The following PSMA5 variants were observed in gnomAD, a reference collection of about 807,000 sequenced individuals.
PSMA5 encodes proteasome 20S subunit alpha 5.
In PSMA5, 3 loss-of-function variants were observed where a neutral mutation model predicts 34.5. That is an observed-to-expected ratio of 0.09 (90% CI 0.04 to 0.22). The LOEUF (loss-of-function observed/expected upper bound fraction) is 0.22. Ranked by LOEUF, PSMA5 falls within the 10% of genes least tolerant of loss-of-function variation. The pLI is 1.00. For synonymous variants in PSMA5, 88 were observed against 95.8 expected, an observed-to-expected ratio of 0.92 and a Z score of 0.47; for missense variants, 120 against 286.1, an observed-to-expected ratio of 0.42 and a Z score of 4.19.
In PSMA5 at chr1:109,401,880, C is replaced by G. The variant is rs943179380; in HGVS notation, c.*133G>C. 1 of 613,612 alleles carries G rather than the reference C, an allele frequency of 1.6e-6. No individual in the cohort carries two copies. The highest frequency in any genetic ancestry group is 2.8e-6 in the Non-Finnish European group (1 of 358,448). 38.0% of individuals were successfully genotyped at this position (613,612 alleles called of 1,614,324 possible). On this transcript the variant is annotated 3_prime_UTR_variant, in exon 9 of 9. Transcript: ENST00000271308. ...TAAAATTTTCTTTATTTCAGAACTG[C>G]CTTTATGTACAGACATCATTTAAAA... is the stretch of plus-strand genomic sequence containing the variant.
rs1653516884 is a variant in PSMA5, at chr1:109,401,443, G to C, written c.*570C>G. On this transcript the variant is annotated 3_prime_UTR_variant, in exon 9 of 9. Transcript: ENST00000271308. The stretch of plus-strand genomic sequence containing the variant: ...AGAAAAGCAGCAAAAATACACGTTT[G>C]CTCCAGAAATTATAGGGCCGAAATG... 1 of 152,102 alleles carries C rather than the reference G, an allele frequency of 6.6e-6. No individual in the cohort carries two copies. Among genetic ancestry groups the C allele is most frequent in the African/African-American group, 2.4e-5 (1 of 41,414 alleles). The allele number at this position is 152,102 out of a possible 1,614,324, so 9.4% of individuals were successfully genotyped here. A position where few individuals can be genotyped will look rare whatever the true frequency, so the allele number is the denominator to read the frequency against.
chr1:109,410,972 G>T, intron 7 of PSMA5, 39 bp downstream of exon 7: 2 of 1,424,996 alleles, frequency 1.4e-6, no homozygotes, highest in Non-Finnish European at 2.0e-6. Context: ...ATTATACCAT[G>T]ATAAAAAAAT....
In PSMA5 at chr1:109,399,626, T is replaced by A. The variant is rs1418459898; in HGVS notation, c.*2387A>T. 1 of 152,350 alleles carries A rather than the reference T, an allele frequency of 6.6e-6. No homozygotes were observed. Among genetic ancestry groups the A allele is most frequent in the Non-Finnish European group, 1.5e-5 (1 of 68,024 alleles). The allele number at this position is 152,350 out of a possible 1,614,324, so 9.4% of individuals were successfully genotyped here. Reference sequence around the variant, plus strand: ...TGTTCCAATTATCTGTACCTTCACTTTTTAGTATGTTGCTTTTAGTTATCA... The same window carrying A: ...TGTTCCAATTATCTGTACCTTCACTATTTAGTATGTTGCTTTTAGTTATCA... On this transcript the variant is annotated 3_prime_UTR_variant, in exon 9 of 9. Transcript: ENST00000271308.
At chr1:109,406,386 A>C (rs4120621) in intron 8 of PSMA5, among the ~76,000 whole-genome samples, 1 of 152,036 alleles carries the variant, frequency 6.6e-6, no homozygotes, top group Non-Finnish European at 1.5e-5. Flanking sequence ...GATGCAACAC[A>C]GGTGAATCTC....
At chr1:109,402,813 C>T (rs1027543577) in intron 8 of PSMA5, among the ~76,000 whole-genome samples, 5 of 152,168 alleles carry the variant, frequency 3.3e-5, no homozygotes, top group Non-Finnish European at 4.4e-5. Context: ...TCAAGCGATT[C>T]TCCTGCCTCA....
chr1:109,413,869 G>GT (rs1328998735), intron 3 of PSMA5, among the ~76,000 whole-genome samples: 2 of 151,990 alleles, frequency 1.3e-5, no homozygotes, highest in Non-Finnish European at 2.9e-5. Context: ...TACTGTGTTG[G>GT]TTAAAACCTT....
chr1:109,410,888 G>A (rs12118385), intron 7 of PSMA5, 123 bp downstream of exon 7: 9,408 of 698,100 alleles, frequency 0.013, 82 homozygotes, highest in Non-Finnish European at 0.017. Flanking sequence ...GGTGATGAAA[G>A]TGTTATTTAT....
chr1:109,414,314 C>T (rs1654111961), intron 3 of PSMA5, among the ~76,000 whole-genome samples: 1 of 152,204 alleles, frequency 6.6e-6, no homozygotes, highest in South Asian at 2.1e-4. Flanking sequence ...TTTCTGAAAG[C>T]CCCACTACCG....
In PSMA5 at chr1:109,412,337, C is replaced by T. The variant is rs1257895778; in HGVS notation, c.292-153G>A. On this transcript the variant is annotated intron_variant, in intron 4 of 8. Transcript: ENST00000271308. Reference sequence around the variant, plus strand: ...CATTAACCCTGAGTACTTGGGAGTACATGAGAGGAAGAGAAATAGCTCTGG... The same window carrying T: ...CATTAACCCTGAGTACTTGGGAGTATATGAGAGGAAGAGAAATAGCTCTGG... 7 of 605,378 alleles carry T rather than the reference C, an allele frequency of 1.2e-5. No individual in the cohort carries two copies. The East Asian group carries it at 2.0e-4, about 17-fold the overall frequency. 37.5% of individuals were successfully genotyped at this position (605,378 alleles called of 1,614,324 possible).
chr1:109,406,365 G>A (rs1402995097), intron 8 of PSMA5, among the ~76,000 whole-genome samples: 2 of 152,162 alleles, frequency 1.3e-5, no homozygotes, highest in Non-Finnish European at 2.9e-5. Flanking sequence ...GCAATGAAAT[G>A]TAACAGAATT....
chr1:109,410,875 G>T, intron 7 of PSMA5, 136 bp downstream of exon 7: 1 of 646,474 alleles, frequency 1.5e-6, no homozygotes. Context: ...GCATTTTTCT[G>T]GTGGTGATGA....
intron 2 of PSMA5, among the ~76,000 whole-genome samples, chr1:109,418,639 C>T (rs999056726): frequency 1.7e-4 from 26 of 152,146 alleles, no homozygotes; most frequent in African/African-American, 5.3e-4. Flanking sequence ...TTTCTAGACA[C>T]GGGCTATGTT....
chr1:109,399,581 CTT>C lies in PSMA5; in HGVS notation c.*2430_*2431del, dbSNP rs1006704841. The stretch of plus-strand genomic sequence containing the variant: ...CCTCCTGGAGAAATTACCAAATACA[CTT>C]TTAAACGCTATTAAATTTGTTCCAA... On this transcript the variant is annotated 3_prime_UTR_variant, in exon 9 of 9. Transcript: ENST00000271308. 6.6e-6 allele frequency: 1 copy of C among 152,182 alleles called. No homozygotes were observed. Among genetic ancestry groups the C allele is most frequent in the Non-Finnish European group, 1.5e-5 (1 of 68,028 alleles). 9.4% of individuals were successfully genotyped at this position (152,182 alleles called of 1,614,324 possible). A position where few individuals can be genotyped will look rare whatever the true frequency, so the allele number is the denominator to read the frequency against.
At chr1:109,419,855 T>C (rs973345633) in intron 2 of PSMA5, among the ~76,000 whole-genome samples, 2 of 148,364 alleles carry the variant, frequency 1.3e-5, no homozygotes, top group Non-Finnish European at 3.0e-5. Context: ...ATAGCTGTAG[T>C]CCCGGCTACT....
Position 109,409,786 on chromosome 1 carries a change from C to T in PSMA5, c.648+142G>A, listed in dbSNP as rs1301786644. The T allele has an allele frequency of 1.0e-5, 6 of 601,874 alleles. No homozygotes were observed. The East Asian group carries it at 1.4e-4, about 14-fold the overall frequency. 37.3% of individuals were successfully genotyped at this position (601,874 alleles called of 1,614,324 possible). A position where few individuals can be genotyped will look rare whatever the true frequency, so the allele number is the denominator to read the frequency against. On this transcript the variant is annotated intron_variant, in intron 8 of 8. Transcript: ENST00000271308. ...AAACATTAACCAGGCATGGTGTGTGCACCTGTAGTCCCAGCTACTCGAGAG... is the reference window on the plus strand; with the variant it reads ...AAACATTAACCAGGCATGGTGTGTGTACCTGTAGTCCCAGCTACTCGAGAG...
chr1:109,411,235 T>C (rs557032608), intron 6 of PSMA5, 122 bp from the exon 7 acceptor site: 12 of 644,446 alleles, frequency 1.9e-5, no homozygotes, highest in Middle Eastern at 2.6e-4. Flanking sequence ...CACTGAAATA[T>C]TGAGGCACAG....
chr1:109,402,096 A>G lies in PSMA5; in HGVS notation c.649-6T>C, dbSNP rs72983020. 3.5e-3 allele frequency: 5,595 copies of G among 1,606,364 alleles called. 170 individuals carry two copies. In the African/African-American group the frequency reaches 0.066, roughly 19 times the overall value. ...CCAGGCTGCACTGTGGCTAGCTGGA[A>G]AGAAAACAGAAGGGTTAATAAGCTG... On this transcript the variant is annotated splice_region_variant and splice_polypyrimidine_tract_variant and intron_variant, in intron 8 of 8. Coordinates refer to ENST00000271308, the MANE Select transcript of PSMA5 (RefSeq NM_002790.4).
intron 4 of PSMA5, chr1:109,412,628 T>TAA: frequency 3.0e-5 from 1 of 33,588 alleles, no homozygotes; most frequent in Non-Finnish European, 6.5e-5. Flanking sequence ...GCTACAAAGT[T>TAA]TAAAAAAAAA....
intron 1 of PSMA5, chr1:109,425,931 T>C (rs1206337664): frequency 7.1e-6 from 2 of 279,984 alleles, no homozygotes; most frequent in Admixed American, 9.2e-5. Flanking sequence ...ACGTTTAACT[T>C]TTTGTTTGTT....
Sources: allele counts gnomAD v4.1 joint callset (sites outside exome capture counted in the v4.1 genomes callset), GRCh38; gene constraint gnomAD v4.1.1; transcripts MANE v1.5; gene names NCBI Gene and HGNC (gene_info 2026-07-23, HGNC 2026-07-21).